Variants in EPHA6 observed in about 807,000 individuals in gnomAD.
EPHA6 encodes ephrin type-A receptor 6.
Under a neutral mutation model 112.0 loss-of-function variants are expected in EPHA6, and 50 were observed. That is an observed-to-expected ratio of 0.45 (90% confidence interval 0.36 to 0.56). The LOEUF (loss-of-function observed/expected upper bound fraction) is 0.56. EPHA6 is among the 20% of genes least tolerant of loss of function. The probability of loss-of-function intolerance (pLI) is 0.00; values close to 1 mark genes in which losing one functional copy is unlikely to be tolerated. For missense variants in EPHA6, 1,280 were observed against 1,417.4 expected (o/e 0.90, Z 1.56); for synonymous variants, 529 against 490.7 (o/e 1.08, Z -1.03).
chr3:97,243,465 T>G (rs1318619351), intron 4 of EPHA6, among the ~76,000 whole-genome samples: 2 of 151,936 alleles, frequency 1.3e-5, no homozygotes, highest in Non-Finnish European at 2.9e-5. Context: ...AAACAGATTT[T>G]TAGTGATTTT....
chr3:97,493,523 C>T (rs142524434), intron 10 of EPHA6, among the ~76,000 whole-genome samples: 89 of 152,158 alleles, frequency 5.8e-4, no homozygotes, highest in African/African-American at 2.1e-3. Context: ...CTGAAAACCT[C>T]ATTTAGCCTT....
chr3:96,825,402 G>T (rs1323232315), intron 1 of EPHA6, among the ~76,000 whole-genome samples: 1 of 151,176 alleles, frequency 6.6e-6, no homozygotes, highest in Non-Finnish European at 1.5e-5. Flanking sequence ...TTTACCTTTA[G>T]ATGAACATAA....
At position 97,328,078 on chromosome 3, in the gene EPHA6, T is replaced by TAA. The variant is rs1553747811; in HGVS notation, c.1607-77071_1607-77070dup. Among the ~76,000 whole-genome samples, 74 of 138,296 alleles carry TAA rather than the reference T, an allele frequency of 5.4e-4. 1 individual carries two copies. Among genetic ancestry groups the TAA allele is most frequent in the Middle Eastern group, 3.7e-3 (1 of 272 alleles). The allele number at this position is 138,296 out of a possible 152,430, so 90.7% of individuals were successfully genotyped here. On this transcript the variant is annotated intron_variant, in intron 5 of 17. Coordinates refer to ENST00000389672, the MANE Select transcript of EPHA6 (RefSeq NM_001080448.3). ...ACATATATATATATATATATATATA[T>TAA]AACCTGTTTTGTATAATCATTCATT... is the stretch of plus-strand genomic sequence containing the variant.
chr3:97,403,530 T>A (rs947011108), intron 5 of EPHA6, among the ~76,000 whole-genome samples: 6 of 152,198 alleles, frequency 3.9e-5, no homozygotes, highest in African/African-American at 1.4e-4. Flanking sequence ...CACTGCAAAC[T>A]CCGCCTCCCG....
chr3:97,224,883 A>G (rs924173690), intron 3 of EPHA6, among the ~76,000 whole-genome samples: 1 of 151,822 alleles, frequency 6.6e-6, no homozygotes, highest in African/African-American at 2.4e-5. Flanking sequence ...GATTAAAGGT[A>G]TTACTTCAAT....
At chr3:97,361,143 A>T (rs1429731771) in intron 5 of EPHA6, among the ~76,000 whole-genome samples, 1 of 152,192 alleles carries the variant, frequency 6.6e-6, no homozygotes, top group Non-Finnish European at 1.5e-5. Flanking sequence ...CAAAAATTTC[A>T]TAGGCATGCA....
Position 97,627,970 on chromosome 3 carries a change from C to A in EPHA6, c.2575-9903C>A, listed in dbSNP as rs556700268. On this transcript the variant is annotated intron_variant, in intron 13 of 17. Coordinates refer to ENST00000389672, the MANE Select transcript of EPHA6 (RefSeq NM_001080448.3). ...AGTTGGAAAACTACTGAAATGAGGCCTAGTAGGCCATTATAATGACTTTGA... is the reference window on the plus strand; with the variant it reads ...AGTTGGAAAACTACTGAAATGAGGCATAGTAGGCCATTATAATGACTTTGA... Among the ~76,000 whole-genome samples, 6 of 151,950 alleles carry A rather than the reference C, an allele frequency of 3.9e-5. No homozygotes were observed. In the East Asian group the frequency reaches 7.8e-4, roughly 20 times the overall value.
At chr3:97,500,434 A>G (rs2092089182) in intron 10 of EPHA6, among the ~76,000 whole-genome samples, 1 of 152,144 alleles carries the variant, frequency 6.6e-6, no homozygotes, top group Non-Finnish European at 1.5e-5. Context: ...GTCACATGGC[A>G]GGAGAGGAGC....
chr3:97,330,011 G>T (rs1231720474), intron 5 of EPHA6, among the ~76,000 whole-genome samples: 1 of 152,110 alleles, frequency 6.6e-6, no homozygotes, highest in Non-Finnish European at 1.5e-5. Context: ...GTAAGGAAGG[G>T]ATCCAGTTTC....
chr3:97,591,961 T>A (rs1416804154), intron 11 of EPHA6, among the ~76,000 whole-genome samples: 1 of 152,188 alleles, frequency 6.6e-6, no homozygotes, highest in Non-Finnish European at 1.5e-5. Context: ...ATTCATTATA[T>A]AATTTTATGG....
At chr3:97,509,613 T>G (rs746646015) in intron 10 of EPHA6, among the ~76,000 whole-genome samples, 1 of 152,190 alleles carries the variant, frequency 6.6e-6, no homozygotes, top group Non-Finnish European at 1.5e-5. Context: ...CTGGCTGCCC[T>G]TAACATTTTT....
chr3:97,050,379 G>T (rs1367887732), intron 3 of EPHA6, among the ~76,000 whole-genome samples: 2 of 152,174 alleles, frequency 1.3e-5, no homozygotes, highest in African/African-American at 4.8e-5. Flanking sequence ...CTCAGTAGTG[G>T]CTTTTGGTAG....
intron 3 of EPHA6, among the ~76,000 whole-genome samples, chr3:97,078,134 C>T (rs1042385114): frequency 7.2e-5 from 11 of 152,184 alleles, no homozygotes; most frequent in African/African-American, 2.7e-4. Flanking sequence ...TTGCATTTCT[C>T]TGATGAACAG....
intron 3 of EPHA6, among the ~76,000 whole-genome samples, chr3:97,070,066 A>G (rs2046305720): frequency 6.6e-6 from 1 of 152,066 alleles, no homozygotes; most frequent in South Asian, 2.1e-4. Context: ...CTCAGAGCAC[A>G]TGTCAGGAAA....
At chr3:96,937,440 T>C (rs1218353152) in intron 2 of EPHA6, among the ~76,000 whole-genome samples, 1 of 139,880 alleles carries the variant, frequency 7.1e-6, no homozygotes, top group Non-Finnish European at 1.5e-5. Context: ...CTTCGCCCAC[T>C]TTTTGATGGG....
intron 3 of EPHA6, among the ~76,000 whole-genome samples, chr3:97,016,840 A>G (rs1218731585): frequency 1.3e-5 from 2 of 152,212 alleles, no homozygotes; most frequent in Non-Finnish European, 1.5e-5. Flanking sequence ...CTTTAATTCA[A>G]TATGATTATT....
At chr3:96,857,956 G>T (rs1193779043) in intron 1 of EPHA6, among the ~76,000 whole-genome samples, 2 of 152,060 alleles carry the variant, frequency 1.3e-5, no homozygotes, top group Admixed American at 6.6e-5. Flanking sequence ...ATAGAATTTA[G>T]TTGGCTGCTT....
chr3:97,335,366 G>A (rs2083008743), intron 5 of EPHA6, among the ~76,000 whole-genome samples: 1 of 152,172 alleles, frequency 6.6e-6, no homozygotes, highest in Non-Finnish European at 1.5e-5. Context: ...CTCTAGAACA[G>A]TGAGGAACAA....
intron 3 of EPHA6, among the ~76,000 whole-genome samples, chr3:97,144,533 G>T (rs953647025): frequency 6.7e-6 from 1 of 149,976 alleles, no homozygotes; most frequent in Non-Finnish European, 1.5e-5. Flanking sequence ...ACATATATTG[G>T]TAGATTAATA....
Sources: gnomAD v4.1 joint callset for allele counts (sites outside exome capture counted in the v4.1 genomes callset) on GRCh38, gnomAD v4.1.1 for gene constraint, MANE v1.5 for transcripts, NCBI Gene and HGNC (gene_info 2026-07-23, HGNC 2026-07-21) for gene names.